The following G6PD variants were observed in gnomAD, a reference collection of about 807,000 sequenced individuals.
The protein encoded by G6PD is glucose-6-phosphate dehydrogenase, also known as glucose-6-phosphate 1-dehydrogenase.
Under a neutral mutation model 38.2 loss-of-function variants are expected in G6PD, and 2 were observed. The ratio of observed to expected loss-of-function variants is 0.05; its 90% confidence interval spans 0.02 to 0.16. G6PD has a LOEUF of 0.16. G6PD is among the 10% of genes least tolerant of loss of function. The pLI is 1.00. For synonymous variants in G6PD, 188 were observed against 196.0 expected, an observed-to-expected ratio of 0.96 and a Z score of 0.34; for missense variants, 310 against 471.6, an observed-to-expected ratio of 0.66 and a Z score of 3.17.
chrX:154,543,116 C>T (rs1043867843), intron 2 of G6PD, among the ~76,000 whole-genome samples: 22 of 111,817 alleles, frequency 2.0e-4, no homozygotes, highest in African/African-American at 6.8e-4. Flanking sequence ...TGCCTGAGCA[C>T]GCCACCTCCC....
chrX:154,544,629 T>TGG (rs782552188), intron 2 of G6PD, among the ~76,000 whole-genome samples: 1 of 112,263 alleles, frequency 8.9e-6, no homozygotes, highest in East Asian at 2.8e-4. Flanking sequence ...AGGCTGGGGC[T>TGG]GGGGCTGAGG....
chrX:154,544,425 G>A (rs2070632159), intron 2 of G6PD, among the ~76,000 whole-genome samples: 1 of 112,115 alleles, frequency 8.9e-6, no homozygotes, highest in Non-Finnish European at 1.9e-5. Context: ...CCCCCAAAGT[G>A]CTGGGATTAC....
At chrX:154,541,419 G>A (rs2070502299) in intron 2 of G6PD, 1 of 111,793 alleles carries the variant, frequency 8.9e-6, no homozygotes, top group Non-Finnish European at 1.9e-5. Context: ...GGTGGGGTAA[G>A]GCAGGCCGCT....
At position 154,531,884 on chromosome X, in the gene G6PD, G is replaced by A. The variant is rs2070339528; in HGVS notation, c.*116C>T. On this transcript the variant is annotated 3_prime_UTR_variant, in exon 13 of 13. Transcript: ENST00000393562. ...AGCGAGGGGCGGGCCAGGGTGGCCA[G>A]AGCCCGGGGCCAGGAATGTGCAGCT... The A allele has an allele frequency of 2.7e-6, 3 of 1,109,618 alleles. No individual in the cohort carries two copies. The highest frequency in any genetic ancestry group is 2.1e-5 in the South Asian group (1 of 47,430). 91.4% of individuals were successfully genotyped at this position (1,109,618 alleles called of 1,213,427 possible).
At position 154,545,130 on chromosome X, in the gene G6PD, C is replaced by T. The variant is rs781797312; in HGVS notation, c.120+906G>A. 2.7e-5 allele frequency among the ~76,000 whole-genome samples: 3 copies of T among 111,361 alleles called. No homozygotes were observed. The East Asian group carries it at 8.5e-4, about 32-fold the overall frequency. On this transcript the variant is annotated intron_variant, in intron 2 of 12. Coordinates refer to ENST00000393562, the MANE Select transcript of G6PD (RefSeq NM_001360016.2). ...CAGGGGAGGGTGCTCTAGTCTCGGG[C>T]GATGGCTGTCCTAGGACCACCCCTC...
At chrX:154,543,560 T>C (rs2070589336) in intron 2 of G6PD, among the ~76,000 whole-genome samples, 1 of 112,366 alleles carries the variant, frequency 8.9e-6, no homozygotes, top group South Asian at 3.6e-4. Context: ...TGCAGTGCCT[T>C]GTGACAGCAT....
At chrX:154,547,561 C>T, upstream of G6PD, 1 of 755,153 alleles carries the variant, frequency 1.3e-6, no homozygotes, top group Non-Finnish European at 1.6e-6. Flanking sequence ...TCGCCGGCTT[C>T]CCGAGTTCTC....
intron 4 of G6PD, 113 bp from the exon 5 acceptor site, chrX:154,535,498 G>A: frequency 5.9e-6 from 4 of 682,400 alleles, no homozygotes; most frequent in Admixed American, 2.6e-5. Context: ...CAGGGAGGGT[G>A]CCCTCAGAAG....
Position 154,546,080 on chromosome X carries a change from A to G in G6PD, c.76T>C (p.Phe26Leu). Residue 26 changes from phenylalanine to leucine, a missense_variant, in exon 2 of 13, where the codon TTC becomes CTC. Coordinates refer to ENST00000393562, the MANE Select transcript of G6PD (RefSeq NM_001360016.2). ...AATATGTGTGTATCCGACTGATGGA[A>G]GGCATCGCCCTGGAAAAGCTCTTCC... ...LREELFQGDAFHQSDTHIFII... is the reference protein window; with the variant it reads ...LREELFQGDALHQSDTHIFII... The G allele has an allele frequency of 8.3e-7, 1 of 1,211,759 alleles. No homozygotes were observed. The highest frequency in any genetic ancestry group is 1.1e-6 in the Non-Finnish European group (1 of 895,407).
chrX:154,547,291 C>G, upstream of G6PD: 1 of 746,919 alleles, frequency 1.3e-6, no homozygotes, highest in Non-Finnish European at 1.6e-6. Context: ...CGCCACTCCC[C>G]CGGGAACCCT....
chrX:154,545,837 A>C (rs1465197762), intron 2 of G6PD, 199 bp downstream of exon 2: 5 of 96,077 alleles, frequency 5.2e-5, no homozygotes, highest in Admixed American at 4.6e-4. Context: ...CTCCGTCTCC[A>C]AAAAAAAAAA....
chrX:154,547,205 G>C (rs12847690), upstream of G6PD: 1 of 440,283 alleles, frequency 2.3e-6, no homozygotes, highest in Non-Finnish European at 2.8e-6. Flanking sequence ...CGCTCGCGGA[G>C]GGCTCCACTT....
intron 1 of G6PD, 77 bp downstream of exon 1, chrX:154,546,712 C>T (rs1234328092): frequency 3.6e-6 from 3 of 834,923 alleles, no homozygotes; most frequent in African/African-American, 4.1e-5. Flanking sequence ...CAACAAACAG[C>T]GTGTATTTTA....
chrX:154,540,399 G>T (rs2070472155), intron 2 of G6PD, among the ~76,000 whole-genome samples: 1 of 110,505 alleles, frequency 9.0e-6, no homozygotes, highest in South Asian at 3.9e-4. Context: ...AACCTCGCAG[G>T]TGGAGATTGC....
chrX:154,547,567 T>C, upstream of G6PD: 2 of 754,506 alleles, frequency 2.7e-6, no homozygotes, highest in Non-Finnish European at 3.1e-6. Flanking sequence ...GCTTCCCGAG[T>C]TCTCGGGGGC....
chrX:154,547,040 G>A (rs946333925), upstream of G6PD: 7 of 188,093 alleles, frequency 3.7e-5, no homozygotes, highest in East Asian at 5.5e-4. Flanking sequence ...GCTGGAGGCC[G>A]GCCCGCCGGC....
At position 154,532,519 on chromosome X, in the gene G6PD, C is replaced by T. The variant is rs781930186; in HGVS notation, c.1287+48G>A. 26 of 1,203,363 alleles carry T rather than the reference C, an allele frequency of 2.2e-5. No individual in the cohort carries two copies. The South Asian group carries it at 2.5e-4, about 11-fold the overall frequency. ...CTGCCTGCCACCATGTGGAGTCCCCCGGGCCCAGGCCGCCCACCCTCCACA... is the reference window on the plus strand; with the variant it reads ...CTGCCTGCCACCATGTGGAGTCCCCTGGGCCCAGGCCGCCCACCCTCCACA... On this transcript the variant is annotated intron_variant, in intron 10 of 12. Transcript: ENST00000393562.
At chrX:154,546,734 C>T in intron 1 of G6PD, 55 bp downstream of exon 1, 1 of 979,593 alleles carries the variant, frequency 1.0e-6, no homozygotes, top group Non-Finnish European at 1.4e-6. Flanking sequence ...CGCCGCGCGG[C>T]GCAGCGCGGG....
Position 154,532,557 on chromosome X carries a change from T to A in G6PD, c.1287+10A>T. On this transcript the variant is annotated intron_variant, in intron 10 of 12. Coordinates refer to ENST00000393562, the MANE Select transcript of G6PD (RefSeq NM_001360016.2). ...CCCACCCTCCACACTGCTCCTTCTC[T>A]GTAGGGCACCTTGTATCTGTTGCCG... 1 of 1,211,135 alleles carries A rather than the reference T, an allele frequency of 8.3e-7. No individual in the cohort carries two copies. The highest frequency in any genetic ancestry group is 1.8e-5 in the South Asian group (1 of 57,035).
Sources: allele counts gnomAD v4.1 joint callset (sites outside exome capture counted in the v4.1 genomes callset), GRCh38; gene constraint gnomAD v4.1.1; transcripts MANE v1.5; gene names NCBI Gene and HGNC (gene_info 2026-07-23, HGNC 2026-07-21).